Variants in NAV3 observed in about 807,000 individuals in gnomAD.
The protein encoded by NAV3 is pore membrane and/or filament interacting like protein 1.
NAV3 carries 87 observed loss-of-function variants against 244.7 expected under a neutral mutation model. The observed-to-expected ratio is 0.36, with a 90% CI of 0.30 to 0.42. NAV3 has a LOEUF of 0.42. NAV3 is among the 20% of genes least tolerant of loss of function. NAV3 has a pLI of 1.00. For missense variants in NAV3, 2,663 were observed against 2,893.3 expected, an observed-to-expected ratio of 0.92 and a Z score of 1.83; for synonymous variants, 1,126 against 1,042.2, an observed-to-expected ratio of 1.08 and a Z score of -1.55.
Position 78,185,604 on chromosome 12 carries a change from T to G in NAV3, c.5696T>G (p.Ile1899Ser). The G allele has an allele frequency of 1.2e-6, 2 of 1,607,420 alleles. No homozygotes were observed. Among genetic ancestry groups the G allele is most frequent in the South Asian group, 2.2e-5 (2 of 90,858 alleles). The change falls in exon 31 of 40, where the codon ATT becomes AGT. Residue 1899 changes from isoleucine to serine, a missense_variant. Ile to Ser is a moderately radical substitution (Grantham distance 142). Around this residue, in one of 6 missense-constraint regions of NAV3, gnomAD observed 543 missense variants for 672.4 expected, o/e 0.81. Transcript: ENST00000397909. ...TCTTTCTTTTAAAATTTGATAGATA[T>G]TTTGCTAGATGATGCTGGTGATGCA... Reference protein sequence around the residue: ...LNITEAVSSDILLDDAGDATG... With the variant: ...LNITEAVSSDSLLDDAGDATG...
At chr12:78,050,251 C>A in intron 10 of NAV3, 150 bp downstream of exon 10, 2 of 666,634 alleles carry the variant, frequency 3.0e-6, no homozygotes. Flanking sequence ...GGTAATTATC[C>A]TTAAACTGAG....
intron 2 of NAV3, among the ~76,000 whole-genome samples, chr12:77,784,382 A>G (rs1870810044): frequency 6.6e-6 from 1 of 152,210 alleles, no homozygotes; most frequent in Non-Finnish European, 1.5e-5. Context: ...TAGAATGTAC[A>G]ATAGAATTAT....
At chr12:78,016,284 T>C (rs899231692) in intron 8 of NAV3, among the ~76,000 whole-genome samples, 1 of 152,096 alleles carries the variant, frequency 6.6e-6, no homozygotes, top group African/African-American at 2.4e-5. Flanking sequence ...CATTGAAGCA[T>C]TATTTATTTT....
intron 3 of NAV3, among the ~76,000 whole-genome samples, chr12:77,946,849 A>C (rs563035271): frequency 4.7e-4 from 72 of 152,294 alleles, no homozygotes; most frequent in South Asian, 8.3e-4. Context: ...GACATTTAAA[A>C]CATTTTTTAA....
At chr12:77,698,351 C>CT (rs1166520536) in intron 2 of NAV3, among the ~76,000 whole-genome samples, 44 of 152,194 alleles carry the variant, frequency 2.9e-4, no homozygotes, top group African/African-American at 9.6e-4. Flanking sequence ...TAGGGCTCAA[C>CT]TATTATTCCA....
At chr12:77,741,398 C>A (rs1305606459) in intron 2 of NAV3, among the ~76,000 whole-genome samples, 1 of 151,902 alleles carries the variant, frequency 6.6e-6, no homozygotes, top group Admixed American at 6.6e-5. Context: ...ATTTTACATA[C>A]ACACACACAT....
intron 1 of NAV3, among the ~76,000 whole-genome samples, chr12:77,881,879 G>A (rs1217179365): frequency 6.6e-6 from 1 of 152,068 alleles, no homozygotes; most frequent in Non-Finnish European, 1.5e-5. Context: ...GGTGGTGAAC[G>A]ACTTCTACAA....
chr12:78,002,411 T>G (rs1873464000), intron 7 of NAV3, among the ~76,000 whole-genome samples: 1 of 152,224 alleles, frequency 6.6e-6, no homozygotes, highest in Non-Finnish European at 1.5e-5. Context: ...TCAGGTGTCT[T>G]CTGGTGTGGA....
At chr12:77,584,352 T>A (rs1869502458) in intron 2 of NAV3, among the ~76,000 whole-genome samples, 1 of 152,116 alleles carries the variant, frequency 6.6e-6, no homozygotes, top group African/African-American at 2.4e-5. Flanking sequence ...GTGATTTTTT[T>A]AATAAAAGGT....
At chr12:77,940,528 T>A in intron 2 of NAV3, 92 bp downstream of exon 2, 1 of 868,810 alleles carries the variant, frequency 1.2e-6, no homozygotes. Flanking sequence ...ACTGAACTGG[T>A]CCATGTGTCT....
intron 12 of NAV3, among the ~76,000 whole-genome samples, chr12:78,108,016 A>T (rs1237638038): frequency 3.9e-5 from 6 of 152,130 alleles, no homozygotes; most frequent in Non-Finnish European, 5.9e-5. Flanking sequence ...ACGTTATGAA[A>T]TGCCTGAATG....
At chr12:77,710,220 A>C (rs1411082288) in intron 2 of NAV3, among the ~76,000 whole-genome samples, 1 of 152,230 alleles carries the variant, frequency 6.6e-6, no homozygotes, top group Middle Eastern at 3.2e-3. Context: ...TTTCCAGATC[A>C]CTTAAAATTA....
rs562576640 is a variant in NAV3, at chr12:77,677,079, T to C, written c.72+104813T>C. On this transcript the variant is annotated intron_variant, in intron 2 of 8. Coordinates refer to the NAV3 transcript ENST00000550042. ...ACCAGTAGTGGGGATTGATTCCTCA[T>C]GATCCATTTATCTCTTCTTAACCCA... Among the ~76,000 whole-genome samples, 8 of 152,358 alleles carry C rather than the reference T, an allele frequency of 5.3e-5. No individual in the cohort carries two copies. The East Asian group carries it at 1.4e-3, about 26-fold the overall frequency.
chr12:77,870,724 T>C (rs941396364), intron 1 of NAV3, among the ~76,000 whole-genome samples: 2 of 151,982 alleles, frequency 1.3e-5, no homozygotes, highest in South Asian at 2.1e-4. Flanking sequence ...AGAAAGACAG[T>C]GGGAAATCTG....
chr12:78,105,638 T>G (rs2138293598), intron 12 of NAV3, among the ~76,000 whole-genome samples: 1 of 152,168 alleles, frequency 6.6e-6, no homozygotes, highest in South Asian at 2.1e-4. Context: ...TAGTAAGAAT[T>G]TTAAGGATTT....
chr12:77,892,331 G>A (rs1273936440), intron 1 of NAV3, among the ~76,000 whole-genome samples: 2 of 152,036 alleles, frequency 1.3e-5, no homozygotes, highest in African/African-American at 4.8e-5. Flanking sequence ...TCTTGCTGAT[G>A]GAAAATTATT....
At chr12:77,751,244 A>G (rs12314290) in intron 2 of NAV3, among the ~76,000 whole-genome samples, 1,856 of 152,312 alleles carry the variant, frequency 0.012, 37 homozygotes, top group African/African-American at 0.042. Flanking sequence ...CTACTTCAAA[A>G]ATACTAGCCT....
intron 2 of NAV3, among the ~76,000 whole-genome samples, chr12:77,627,765 A>G (rs1399104194): frequency 6.6e-6 from 1 of 152,226 alleles, no homozygotes; most frequent in Non-Finnish European, 1.5e-5. Context: ...TAGCCAAAAT[A>G]TGGAATCAAC....
intron 2 of NAV3, among the ~76,000 whole-genome samples, chr12:77,800,692 C>T (rs1871659790): frequency 6.6e-6 from 1 of 152,006 alleles, no homozygotes; most frequent in Admixed American, 6.6e-5. Context: ...AGAATTGGCC[C>T]ATATATGTAA....
Sources: allele counts gnomAD v4.1 joint callset (sites outside exome capture counted in the v4.1 genomes callset), GRCh38; gene constraint gnomAD v4.1.1; regional missense constraint gnomAD v4.1.1; transcripts MANE v1.5; gene names NCBI Gene and HGNC (gene_info 2026-07-23, HGNC 2026-07-21).